The following WDR55 variants were observed in gnomAD, a reference collection of about 807,000 sequenced individuals.
WDR55 encodes the protein WD repeat domain 55.
Under a neutral mutation model 34.0 loss-of-function variants are expected in WDR55, and 31 were observed. The ratio of observed to expected loss-of-function variants is 0.91; its 90% confidence interval spans 0.69 to 1.23. The LOEUF (loss-of-function observed/expected upper bound fraction) is 1.23. Ranked by LOEUF, WDR55 falls within the 50% of genes most tolerant of loss-of-function variation. The probability of loss-of-function intolerance (pLI) is 0.00; values close to 1 mark genes in which losing one functional copy is unlikely to be tolerated. For missense variants in WDR55, 440 were observed against 494.6 expected (o/e 0.89, Z 1.05); for synonymous variants, 164 against 185.9 (o/e 0.88, Z 0.96).
rs1364510386 is a variant in WDR55 at position 140,671,094 on chromosome 5, GC to G, written c.*1444del. On this transcript the variant is annotated 3_prime_UTR_variant, in exon 7 of 7. Transcript: ENST00000358337. ...CCTGGGCTGGGAGCGGGAGGGCAAG[GC>G]CCCTCACCACAACTTAACCCAAACC... 3 of 680,916 alleles carry G rather than the reference GC, an allele frequency of 4.4e-6. No individual in the cohort carries two copies. The highest frequency in any genetic ancestry group is 7.6e-6 in the Non-Finnish European group (3 of 393,774). 42.2% of individuals were successfully genotyped at this position (680,916 alleles called of 1,614,324 possible).
intron 1 of WDR55, 159 bp from the exon 2 acceptor site, chr5:140,668,075 C>G: frequency 1.4e-6 from 1 of 738,132 alleles, no homozygotes; most frequent in Non-Finnish European, 2.1e-6. Flanking sequence ...TTCAAACTCA[C>G]TGAAAATGGA....
Position 140,669,161 on chromosome 5 carries a change from G to A in WDR55, c.743G>A (p.Arg248His), listed in dbSNP as rs557759167. The change falls in exon 6 of 7, where the codon CGC (arginine) becomes CAC (histidine). Residue 248 changes from arginine (R) to histidine (H), a missense_variant. By Grantham distance (29) the Arg-to-His change is conservative. Coordinates refer to ENST00000358337, the MANE Select transcript of WDR55 (RefSeq NM_017706.5). ...NWNGFGATSD[R>H]FALRAESIDC... ...AATGGCTTTGGGGCCACAAGTGACC[G>A]CTTTGCCCTGAGAGCTGAATCTATC... is the stretch of plus-strand genomic sequence containing the variant. The A allele has an allele frequency of 4.3e-6, 7 of 1,614,132 alleles. No homozygotes were observed. The highest frequency in any genetic ancestry group is 1.6e-4 in the Middle Eastern group (1 of 6,062).
At position 140,671,664 on chromosome 5, in the gene WDR55, G is replaced by T. The variant is rs1242582536; in HGVS notation, c.*2010G>T. The T allele has an allele frequency of 9.5e-6, 15 of 1,583,134 alleles. No homozygotes were observed. The highest frequency in any genetic ancestry group is 1.3e-5 in the Non-Finnish European group (15 of 1,164,700). On this transcript the variant is annotated 3_prime_UTR_variant, in exon 7 of 7. Coordinates refer to ENST00000358337, the MANE Select transcript of WDR55 (RefSeq NM_017706.5). ...TCTGGCTGTGGGGACCGCAAGAAGGGACCCACAAGCTGCTGGCGAAGTCGC... is the reference window on the plus strand; with the variant it reads ...TCTGGCTGTGGGGACCGCAAGAAGGTACCCACAAGCTGCTGGCGAAGTCGC...
intron 1 of WDR55, chr5:140,666,763 G>T: frequency 1.0e-6 from 1 of 985,406 alleles, no homozygotes; most frequent in Non-Finnish European, 1.2e-6. Context: ...TACACAAAAT[G>T]CTGATCGTAG....
Position 140,668,987 on chromosome 5 carries a change from G to T in WDR55, c.657G>T (p.Met219Ile). Residue 219 changes from methionine to isoleucine, a missense_variant, in exon 5 of 7, where the codon ATG becomes ATT. Physicochemically the swap from Met to Ile is conservative, Grantham distance 10 (BLOSUM62 1). Coordinates refer to ENST00000358337, the MANE Select transcript of WDR55 (RefSeq NM_017706.5). Reference protein sequence around the residue: ...QSGDLTSVTLMKWGKKVACGS... With the variant: ...QSGDLTSVTLIKWGKKVACGS... ...GGGACCTGACCTCTGTCACTCTCAT[G>T]AAAGTACAGCTGGTTATGGTGGGAT... 1 of 1,614,210 alleles carries T rather than the reference G, an allele frequency of 6.2e-7. No homozygotes were observed. The highest frequency in any genetic ancestry group is 8.5e-7 in the Non-Finnish European group (1 of 1,180,034).
In WDR55 at chr5:140,672,154, A is replaced by G. The variant is rs1758097094; in HGVS notation, c.*2500A>G. 1.1e-5 allele frequency: 6 copies of G among 560,710 alleles called. No homozygotes were observed. Among genetic ancestry groups the G allele is most frequent in the Admixed American group, 3.1e-5 (1 of 32,010 alleles). The allele number at this position is 560,710 out of a possible 1,614,324, so 34.7% of individuals were successfully genotyped here. On this transcript the variant is annotated 3_prime_UTR_variant, in exon 7 of 7. Transcript: ENST00000358337. ...CAGTTGGATTCCCTTGAGCAAATCA[A>G]TTTCTCTAACAGTTTCCTCATAGCT...
At position 140,665,117 on chromosome 5, in the gene WDR55, A is replaced by C. The variant is rs973045601; in HGVS notation, c.191+14A>C. On this transcript the variant is annotated intron_variant, in intron 1 of 6. Transcript: ENST00000358337. ...GGACGTGTTCGTGTGAGAGCGGGGCAGGGCCGGGGCGCCGGGTCTGGAAGC... is the reference window on the plus strand; with the variant it reads ...GGACGTGTTCGTGTGAGAGCGGGGCCGGGCCGGGGCGCCGGGTCTGGAAGC... The C allele has an allele frequency of 6.4e-7, 1 of 1,563,518 alleles. No individual in the cohort carries two copies. Among genetic ancestry groups the C allele is most frequent in the African/African-American group, 1.4e-5 (1 of 73,678 alleles).
In WDR55 at chr5:140,671,228, G is replaced by A; in HGVS notation, c.*1574G>A. 2 of 1,602,148 alleles carry A rather than the reference G, an allele frequency of 1.2e-6. No individual in the cohort carries two copies. Among genetic ancestry groups the A allele is most frequent in the African/African-American group, 1.3e-5 (1 of 74,876 alleles). On this transcript the variant is annotated 3_prime_UTR_variant, in exon 7 of 7. Coordinates refer to ENST00000358337, the MANE Select transcript of WDR55 (RefSeq NM_017706.5). ...GGTCAGAAAGTGGCCACCCAGGCCT[G>A]CTGGGATGGGGCCTGACACAGGCTC...
rs1410718321 is a variant in WDR55 at position 140,670,843 on chromosome 5, C to T, written c.*1189C>T. 4.1e-6 allele frequency: 1 copy of T among 244,520 alleles called. No homozygotes were observed. Among genetic ancestry groups the T allele is most frequent in the African/African-American group, 2.2e-5 (1 of 44,574 alleles). 15.1% of individuals were successfully genotyped at this position (244,520 alleles called of 1,614,324 possible). A position where few individuals can be genotyped will look rare whatever the true frequency, so the allele number is the denominator to read the frequency against. On this transcript the variant is annotated 3_prime_UTR_variant, in exon 7 of 7. Transcript: ENST00000358337. ...TAAATACAACCAGCATAGAAAGACC[C>T]AAAACTATACAGAAACCAAAACCAG...
Position 140,665,102 on chromosome 5 carries a change from G to C in WDR55, c.190G>C (p.Val64Leu). The C allele has an allele frequency of 1.3e-6, 2 of 1,590,538 alleles. No homozygotes were observed. The highest frequency in any genetic ancestry group is 1.7e-6 in the Non-Finnish European group (2 of 1,166,218). Residue 64 changes from valine (V) to leucine (L), a missense_variant and splice_region_variant, in exon 1 of 7, where the codon GTC becomes CTC. Transcript: ENST00000358337. ...AAGDVDGDVF[V>L]FSYSCQEGET... Reference sequence around the variant, plus strand: ...AGGGGACGTGGACGGGGACGTGTTCGTGTGAGAGCGGGGCAGGGCCGGGGC... The same window carrying C: ...AGGGGACGTGGACGGGGACGTGTTCCTGTGAGAGCGGGGCAGGGCCGGGGC...
At position 140,668,779 on chromosome 5, in the gene WDR55, T is replaced by C. The variant is rs1757984578; in HGVS notation, c.548T>C (p.Leu183Pro). 1 of 1,613,840 alleles carries C rather than the reference T, an allele frequency of 6.2e-7. No individual in the cohort carries two copies. The highest frequency in any genetic ancestry group is 1.7e-5 in the Admixed American group (1 of 59,992). The change falls in exon 4 of 7, where the codon CTG becomes CCG. Residue 183 changes from leucine (L) to proline (P), a missense_variant. Leu to Pro is a moderately conservative substitution (Grantham distance 98). Transcript: ENST00000358337. ...GCTCTGGATCCAGCCAAAAAGCTGCTGCTGACAGCCAGGTACAACTTCAAA... is the reference window on the plus strand; with the variant it reads ...GCTCTGGATCCAGCCAAAAAGCTGCCGCTGACAGCCAGGTACAACTTCAAA... Reference protein sequence around the residue: ...DMALDPAKKLLLTASGDGCLG... With the variant: ...DMALDPAKKLPLTASGDGCLG...
Position 140,669,355 on chromosome 5 carries a change from C to T in WDR55, c.853C>T (p.Arg285Ter), listed in dbSNP as rs751154504. 1.5e-5 allele frequency: 24 copies of T among 1,611,836 alleles called. No individual in the cohort carries two copies. The South Asian group carries it at 2.1e-4, about 14-fold the overall frequency. The change falls in exon 7 of 7, where the codon CGA becomes TGA. Residue 285 changes from arginine to a stop codon, truncating the protein, a stop_gained. Transcript: ENST00000358337. LOFTEE classifies it high-confidence loss of function. ...VIRAVNILPN[R>*]VVGSVGQHTG... ...CAGGGCTGTGAACATCCTACCGAACCGAGTGGTGGGCAGTGTGGGCCAGCA... is the reference window on the plus strand; with the variant it reads ...CAGGGCTGTGAACATCCTACCGAACTGAGTGGTGGGCAGTGTGGGCCAGCA...
chr5:140,664,939 CG>C lies in WDR55; in HGVS notation c.28del (p.Ala10LeufsTer102). On this transcript the variant is annotated frameshift_variant, in exon 1 of 7. Transcript: ENST00000358337. LOFTEE classifies it high-confidence loss of function. Reference sequence around the variant, plus strand: ...TGGACCGCACTTGTGAGGAGAGGCCCGCTGAGGATGGGAGCGACGAGGAGGA... The same window carrying C: ...TGGACCGCACTTGTGAGGAGAGGCCCCTGAGGATGGGAGCGACGAGGAGGA... Reference protein sequence around the residue: MDRTCEERPAEDGSDEEDPD... With the variant: MDRTCEERPXEDGSDEEDPD... 1 of 1,609,686 alleles carries C rather than the reference CG, an allele frequency of 6.2e-7. No individual in the cohort carries two copies. The highest frequency in any genetic ancestry group is 2.2e-5 in the East Asian group (1 of 44,638).
intron 1 of WDR55, chr5:140,667,746 C>CT (rs2149811907): frequency 6.5e-6 from 1 of 154,208 alleles, no homozygotes; most frequent in African/African-American, 2.4e-5. Flanking sequence ...GCTGGTGCCT[C>CT]TCCCCCACCT....
chr5:140,669,876 G>A lies in WDR55; in HGVS notation c.*222G>A. The A allele has an allele frequency of 1.8e-6, 1 of 544,416 alleles. No homozygotes were observed. The highest frequency in any genetic ancestry group is 3.1e-5 in the East Asian group (1 of 31,842). The allele number at this position is 544,416 out of a possible 1,614,324, so 33.7% of individuals were successfully genotyped here. A position where few individuals can be genotyped will look rare whatever the true frequency, so the allele number is the denominator to read the frequency against. On this transcript the variant is annotated 3_prime_UTR_variant, in exon 7 of 7. Transcript: ENST00000358337. Reference sequence around the variant, plus strand: ...CTGGAGCAGCTGGGACTACAGGTGTGCACTACCACACCAGGCCAATTTTTG... The same window carrying A: ...CTGGAGCAGCTGGGACTACAGGTGTACACTACCACACCAGGCCAATTTTTG...
chr5:140,668,367 T>G (rs1284210809), intron 2 of WDR55, 33 bp downstream of exon 2: 2 of 1,613,976 alleles, frequency 1.2e-6, no homozygotes, highest in Non-Finnish European at 1.7e-6. Flanking sequence ...AGCAATGTGG[T>G]GGAAGGGAGC....
In WDR55 at chr5:140,668,676, G is replaced by T; in HGVS notation, c.445G>T (p.Gly149Cys). 1.3e-5 allele frequency: 21 copies of T among 1,614,188 alleles called. No individual in the cohort carries two copies. Among genetic ancestry groups the T allele is most frequent in the Non-Finnish European group, 1.6e-5 (19 of 1,180,014 alleles). Reference protein sequence around the residue: ...NVLATGDDTGGICLWDQRKEG... With the variant: ...NVLATGDDTGCICLWDQRKEG... Reference sequence around the variant, plus strand: ...TCTGGCCACTGGGGATGACACAGGTGGTATCTGTCTCTGGGACCAGCGGAA... The same window carrying T: ...TCTGGCCACTGGGGATGACACAGGTTGTATCTGTCTCTGGGACCAGCGGAA... The change falls in exon 4 of 7, where the codon GGT (glycine) becomes TGT (cysteine). Residue 149 changes from glycine to cysteine, a missense_variant. Coordinates refer to ENST00000358337, the MANE Select transcript of WDR55 (RefSeq NM_017706.5).
At position 140,669,842 on chromosome 5, in the gene WDR55, C is replaced by T; in HGVS notation, c.*188C>T. ...TCCCCAGGCTCAGATTGTCCTTCCA[C>T]CTTAGCCTCTGGAGCAGCTGGGACT... On this transcript the variant is annotated 3_prime_UTR_variant, in exon 7 of 7. Transcript: ENST00000358337. The T allele has an allele frequency of 1.6e-6, 1 of 632,878 alleles. No individual in the cohort carries two copies. The highest frequency in any genetic ancestry group is 2.7e-6 in the Non-Finnish European group (1 of 367,856). 39.2% of individuals were successfully genotyped at this position (632,878 alleles called of 1,614,324 possible). A position where few individuals can be genotyped will look rare whatever the true frequency, so the allele number is the denominator to read the frequency against.
In WDR55 at chr5:140,670,500, C is replaced by T. The variant is rs1255057121; in HGVS notation, c.*846C>T. The T allele has an allele frequency of 6.6e-6, 1 of 152,298 alleles. No homozygotes were observed. The highest frequency in any genetic ancestry group is 2.4e-5 in the African/African-American group (1 of 41,392). The allele number at this position is 152,298 out of a possible 1,614,324, so 9.4% of individuals were successfully genotyped here. On this transcript the variant is annotated 3_prime_UTR_variant, in exon 7 of 7. Coordinates refer to ENST00000358337, the MANE Select transcript of WDR55 (RefSeq NM_017706.5). ...AGTAGCTGGGATTACAGGTGTCTGC[C>T]ACCATGCCAGGCTAATTTTTGTATT... is the stretch of plus-strand genomic sequence containing the variant.
Sources: allele counts gnomAD v4.1 joint callset, GRCh38; gene constraint gnomAD v4.1.1; transcripts MANE v1.5; gene names NCBI Gene and HGNC (gene_info 2026-07-23, HGNC 2026-07-21).